The following CHD1 variants were observed in gnomAD, a reference collection of about 807,000 sequenced individuals.
CHD1 encodes ATP-dependent chromatin remodeler CHD1.
CHD1 carries 36 observed loss-of-function variants against 224.2 expected under a neutral mutation model. The observed-to-expected ratio is 0.16, with a 90% CI of 0.12 to 0.21. CHD1 has a LOEUF of 0.21. CHD1 is among the 10% of genes least tolerant of loss of function. The pLI, the probability that CHD1 is intolerant of heterozygous loss-of-function variation, is 1.00. For synonymous variants in CHD1, 668 were observed against 658.3 expected, an observed-to-expected ratio of 1.01 and a Z score of -0.23; for missense variants, 1,378 against 1,994.8, an observed-to-expected ratio of 0.69 and a Z score of 5.89.
intron 31 of CHD1, among the ~76,000 whole-genome samples, chr5:98,866,076 C>T (rs1458430218): frequency 6.6e-6 from 1 of 151,956 alleles, no homozygotes; most frequent in Non-Finnish European, 1.5e-5. Flanking sequence ...AGAATACCAC[C>T]TCCCCTGACT....
chr5:98,924,931 T>C (rs1420190902), intron 2 of CHD1, among the ~76,000 whole-genome samples: 2 of 150,796 alleles, frequency 1.3e-5, no homozygotes, highest in African/African-American at 2.4e-5. Context: ...TGAGCCGGGA[T>C]CACACCACTG....
chr5:98,871,400 G>T (rs1297914713), intron 28 of CHD1, among the ~76,000 whole-genome samples: 6 of 83,746 alleles, frequency 7.2e-5, no homozygotes, highest in African/African-American at 2.4e-4. Context: ...AAAAAAAAAA[G>T]GATTTCAGCT....
chr5:98,858,396 A>G lies in CHD1; in HGVS notation c.4577-6T>C, dbSNP rs1297206956. On this transcript the variant is annotated splice_region_variant and splice_polypyrimidine_tract_variant and intron_variant, in intron 34 of 35. Coordinates refer to ENST00000614616, the MANE Select transcript of CHD1 (RefSeq NM_001270.4). Reference sequence around the variant, plus strand: ...CTCTTTTAATCTTTCCACATCTGTTAGATAAGTACAACTTTTATTAATGAC... The same window carrying G: ...CTCTTTTAATCTTTCCACATCTGTTGGATAAGTACAACTTTTATTAATGAC... 7 of 1,604,088 alleles carry G rather than the reference A, an allele frequency of 4.4e-6. No individual in the cohort carries two copies. Among genetic ancestry groups the G allele is most frequent in the Non-Finnish European group, 4.3e-6 (5 of 1,172,252 alleles).
intron 18 of CHD1, among the ~76,000 whole-genome samples, chr5:98,884,788 C>T (rs1750529453): frequency 6.6e-6 from 1 of 151,396 alleles, no homozygotes; most frequent in South Asian, 2.1e-4. Context: ...ATGATCATGG[C>T]TCACCGCAGC....
chr5:98,865,065 T>C (rs1037670094), intron 31 of CHD1, among the ~76,000 whole-genome samples: 1 of 151,666 alleles, frequency 6.6e-6, no homozygotes, highest in Admixed American at 6.6e-5. Flanking sequence ...TAAAGAAAAA[T>C]AAAGGAAGAA....
At chr5:98,903,298 C>G (rs1053720048) in intron 4 of CHD1, among the ~76,000 whole-genome samples, 1 of 152,008 alleles carries the variant, frequency 6.6e-6, no homozygotes, top group African/African-American at 2.4e-5. Flanking sequence ...TTTTTCTTCA[C>G]CATTACTTTT....
rs373622061 is a variant in CHD1, at chr5:98,898,449, G to A, written c.1187-15C>T. 5.6e-5 allele frequency: 86 copies of A among 1,529,134 alleles called. No homozygotes were observed. Among genetic ancestry groups the A allele is most frequent in the Non-Finnish European group, 7.2e-5 (83 of 1,144,950 alleles). The allele number at this position is 1,529,134 out of a possible 1,614,324, so 94.7% of individuals were successfully genotyped here. A position where few individuals can be genotyped will look rare whatever the true frequency, so the allele number is the denominator to read the frequency against. On this transcript the variant is annotated splice_polypyrimidine_tract_variant and intron_variant, in intron 9 of 35. Transcript: ENST00000614616. ...ATTGGAATGAGCTGTGAGAGAATCA[G>A]GCATTTACTTATTTATTTATTTTTT...
At chr5:98,876,069 G>C (rs1749725211) in intron 24 of CHD1, among the ~76,000 whole-genome samples, 1 of 152,144 alleles carries the variant, frequency 6.6e-6, no homozygotes, top group South Asian at 2.1e-4. Flanking sequence ...AACTTTGGGA[G>C]TCATAAACAC....
chr5:98,881,842 A>T, intron 20 of CHD1, 133 bp downstream of exon 20: 1 of 708,310 alleles, frequency 1.4e-6, no homozygotes, highest in Non-Finnish European at 2.2e-6. Flanking sequence ...ACTAGAAATT[A>T]GTCCAAAGTC....
intron 2 of CHD1, among the ~76,000 whole-genome samples, chr5:98,915,096 TAATAC>T (rs1180976210): frequency 6.6e-6 from 1 of 152,214 alleles, no homozygotes; most frequent in Non-Finnish European, 1.5e-5. Context: ...ATGACCTATA[TAATAC>T]ATTTTACATC....
In CHD1 at chr5:98,858,228, C is replaced by A. The variant is rs1196591741; in HGVS notation, c.4739G>T (p.Ser1580Ile). ...CCAATCACGATGGTCTTTACCATTA[C>A]TAAAAGAAGAATAGGGTCTTTTCCT... Reference protein sequence around the residue: ...DSRKRPYSSFSNGKDHRDWDH... With the variant: ...DSRKRPYSSFINGKDHRDWDH... Residue 1580 changes from serine (S) to isoleucine (I), a missense_variant, in exon 35 of 36, where the codon AGT (serine) becomes ATT (isoleucine). Ser to Ile is a moderately radical substitution (Grantham distance 142). Coordinates refer to ENST00000614616, the MANE Select transcript of CHD1 (RefSeq NM_001270.4). The A allele has an allele frequency of 6.2e-7, 1 of 1,613,050 alleles. No individual in the cohort carries two copies. Among genetic ancestry groups the A allele is most frequent in the Admixed American group, 1.7e-5 (1 of 59,984 alleles).
At chr5:98,868,403 A>G in intron 31 of CHD1, 92 bp downstream of exon 31, 1 of 1,075,118 alleles carries the variant, frequency 9.3e-7, no homozygotes. Flanking sequence ...CAATAAATTC[A>G]AATGCAGTTC....
At chr5:98,880,609 A>C (rs1429441637) in intron 22 of CHD1, among the ~76,000 whole-genome samples, 14 of 152,338 alleles carry the variant, frequency 9.2e-5, no homozygotes, top group South Asian at 6.2e-4. Flanking sequence ...GACTCCTTTC[A>C]ACTCATTGAC....
intron 3 of CHD1, among the ~76,000 whole-genome samples, 158 bp downstream of exon 3, chr5:98,904,739 A>G (rs1348747604): frequency 6.6e-6 from 1 of 152,268 alleles, no homozygotes; most frequent in Non-Finnish European, 1.5e-5. Flanking sequence ...ATTAGTCCAC[A>G]GGTGTACCAC....
intron 3 of CHD1, 126 bp downstream of exon 3, chr5:98,904,771 A>C: frequency 1.2e-6 from 1 of 862,298 alleles, no homozygotes; most frequent in Non-Finnish European, 1.8e-6. Flanking sequence ...GAATCACTAA[A>C]AGTAAATTTT....
intron 19 of CHD1, among the ~76,000 whole-genome samples, chr5:98,882,357 T>C (rs2112401753): frequency 6.6e-6 from 1 of 151,466 alleles, no homozygotes; most frequent in South Asian, 2.1e-4. Flanking sequence ...GAGATTGCAT[T>C]TGCTTATTTT....
chr5:98,898,835 A>C, intron 8 of CHD1, 71 bp from the exon 9 acceptor site: 1 of 830,778 alleles, frequency 1.2e-6, no homozygotes, highest in Middle Eastern at 2.3e-4. Context: ...CCCATCCCCA[A>C]CACTATTTGT....
chr5:98,897,174 T>C lies in CHD1; in HGVS notation c.1493+19A>G, dbSNP rs1751399092. The C allele has an allele frequency of 3.1e-6, 5 of 1,601,568 alleles. No homozygotes were observed. Among genetic ancestry groups the C allele is most frequent in the Non-Finnish European group, 4.3e-6 (5 of 1,173,968 alleles). Reference sequence around the variant, plus strand: ...TTCTTACTCTGTCAAATTAAATAGATGATTCAAAATATACTTACTTGCACC... The same window carrying C: ...TTCTTACTCTGTCAAATTAAATAGACGATTCAAAATATACTTACTTGCACC... On this transcript the variant is annotated intron_variant, in intron 11 of 35. Transcript: ENST00000614616.
At chr5:98,927,829 A>C (rs894183669) in intron 1 of CHD1, among the ~76,000 whole-genome samples, 1 of 151,676 alleles carries the variant, frequency 6.6e-6, no homozygotes, top group Non-Finnish European at 1.5e-5. Flanking sequence ...CATCTCCCTT[A>C]TCCGAATAAG....
Sources: gnomAD v4.1 joint callset for allele counts (sites outside exome capture counted in the v4.1 genomes callset) on GRCh38, gnomAD v4.1.1 for gene constraint, MANE v1.5 for transcripts, NCBI Gene and HGNC (gene_info 2026-07-23, HGNC 2026-07-21) for gene names.